NME9: variants seen among roughly 807,000 people sequenced by gnomAD.
NME9 encodes the protein thioredoxin domain-containing protein 6.
A neutral mutation model predicts 44.4 loss-of-function variants in NME9; 48 were observed. The ratio of observed to expected loss-of-function variants is 1.08; its 90% CI spans 0.86 to 1.37. The LOEUF (loss-of-function observed/expected upper bound fraction) is 1.37, where lower values mean the gene tolerates loss of function less well. Among genes scored for constraint, NME9 ranks in the 40% most tolerant of loss-of-function variants. The pLI is 0.00. For synonymous variants in NME9, 139 were observed against 147.1 expected (o/e 0.94, Z 0.40); for missense variants, 325 against 405.2 (o/e 0.80, Z 1.70).
intron 3 of NME9, 77 bp from the exon 4 acceptor site, chr3:138,318,296 G>A: frequency 4.2e-6 from 4 of 949,280 alleles, no homozygotes; most frequent in Non-Finnish European, 6.9e-6. Flanking sequence ...AAACCACACA[G>A]GGAACTGAAC....
At position 138,279,090 on chromosome 3, in the gene NME9, T is replaced by C. The variant is rs370267567; in HGVS notation, c.746-16504A>G. On this transcript the variant is annotated intron_variant, in intron 8 of 8. Transcript: ENST00000317876. ...ATGAGGATGAACATATTTGTTTTGTTCCCAATATTAGAGAAAAGCACTCAG... is the reference window on the plus strand; with the variant it reads ...ATGAGGATGAACATATTTGTTTTGTCCCCAATATTAGAGAAAAGCACTCAG... Among the ~76,000 whole-genome samples the C allele has an allele frequency of 8.9e-4, 135 of 152,352 alleles. 1 individual carries two copies. The highest frequency in any genetic ancestry group is 3.1e-3 in the African/African-American group (127 of 41,584).
rs1033761251 is a variant in NME9, at chr3:138,289,665, T to C, written c.745+13842A>G. Among the ~76,000 whole-genome samples the C allele has an allele frequency of 3.3e-5, 5 of 152,062 alleles. No homozygotes were observed. In the East Asian group the frequency reaches 9.6e-4, roughly 29 times the overall value. On this transcript the variant is annotated intron_variant, in intron 8 of 8. Coordinates refer to the NME9 transcript ENST00000317876. ...TTACACCAGGCCAATTAAATCAGAA[T>C]CTCTCGGGGTGGGCTCCAGGCATAA... is the stretch of plus-strand genomic sequence containing the variant.
At chr3:138,322,485 G>GGT (rs10580643) in intron 2 of NME9, among the ~76,000 whole-genome samples, 8,750 of 146,356 alleles carry the variant, frequency 0.06, 283 homozygotes, top group Non-Finnish European at 0.079. Context: ...AAGAAAAAGG[G>GGT]GTGTGTGTGT....
At chr3:138,284,415 C>T (rs1392783995) in intron 8 of NME9, 3 of 1,603,276 alleles carry the variant, frequency 1.9e-6, no homozygotes, top group Non-Finnish European at 8.5e-7. Flanking sequence ...ACTGTTGGCC[C>T]TTTGTTCTTT....
At chr3:138,321,879 A>G (rs981474202) in intron 2 of NME9, among the ~76,000 whole-genome samples, 1 of 151,764 alleles carries the variant, frequency 6.6e-6, no homozygotes, top group African/African-American at 2.4e-5. Flanking sequence ...GGGAAAGGAG[A>G]ACAAACTCAA....
At chr3:138,279,980 T>G (rs1389422442) in intron 8 of NME9, among the ~76,000 whole-genome samples, 1 of 151,840 alleles carries the variant, frequency 6.6e-6, no homozygotes, top group Non-Finnish European at 1.5e-5. Context: ...CTCGGCTCAC[T>G]GCAACCTCTG....
chr3:138,301,166 A>G lies in NME9; in HGVS notation c.*474T>C. 3.2e-6 allele frequency: 3 copies of G among 928,734 alleles called. No homozygotes were observed. The highest frequency in any genetic ancestry group is 3.9e-6 in the Non-Finnish European group (3 of 778,458). The allele number at this position is 928,734 out of a possible 1,614,324, so 57.5% of individuals were successfully genotyped here. A position where few individuals can be genotyped will look rare whatever the true frequency, so the allele number is the denominator to read the frequency against. ...AACTGCGTTCTACATACTGTTTAAT[A>G]AGGCAGAAAAGTATATACTATTCTC... is the stretch of plus-strand genomic sequence containing the variant. On this transcript the variant is annotated 3_prime_UTR_variant, in exon 11 of 11. Transcript: ENST00000333911.
chr3:138,281,257 T>C (rs1447196552), intron 8 of NME9, among the ~76,000 whole-genome samples: 1 of 151,638 alleles, frequency 6.6e-6, no homozygotes, highest in African/African-American at 2.4e-5. Flanking sequence ...GTTCCTTAGC[T>C]CACATATTCA....
At chr3:138,318,611 C>T (rs1379505892) in intron 3 of NME9, among the ~76,000 whole-genome samples, 1 of 151,942 alleles carries the variant, frequency 6.6e-6, no homozygotes, top group African/African-American at 2.4e-5. Context: ...CAGCACACTC[C>T]TTATGGAAGC....
chr3:138,279,493 TTGA>T (rs2049656456), intron 8 of NME9, among the ~76,000 whole-genome samples: 2 of 152,192 alleles, frequency 1.3e-5, no homozygotes. Context: ...ATGAGGGGTA[TTGA>T]TGAATAGTTT....
chr3:138,306,796 G>C (rs1302369868), intron 6 of NME9, among the ~76,000 whole-genome samples: 1 of 152,236 alleles, frequency 6.6e-6, no homozygotes, highest in East Asian at 1.9e-4. Flanking sequence ...ATTGCTCAAA[G>C]ACTGCTTGGG....
At chr3:138,269,970 G>A in intron 8 of NME9, 1 of 997,470 alleles carries the variant, frequency 1.0e-6, no homozygotes, top group Non-Finnish European at 1.6e-6. Flanking sequence ...AAAGTGCCAA[G>A]GTATATGCAT....
chr3:138,274,686 C>CT, intron 8 of NME9: 1 of 640,428 alleles, frequency 1.6e-6, no homozygotes. Context: ...AAATATCTTC[C>CT]ACCATCCCTT....
chr3:138,306,705 C>T (rs2052293318), intron 6 of NME9, among the ~76,000 whole-genome samples: 1 of 152,240 alleles, frequency 6.6e-6, no homozygotes, highest in South Asian at 2.1e-4. Context: ...CCTCAACCTC[C>T]ATCTTGCTGC....
At chr3:138,263,081 G>C (rs1450283992) in intron 8 of NME9, among the ~76,000 whole-genome samples, 2 of 152,222 alleles carry the variant, frequency 1.3e-5, no homozygotes, top group Non-Finnish European at 2.9e-5. Context: ...ATATGAAAAG[G>C]CTGTTTTTCA....
chr3:138,320,490 A>C (rs2053396264), intron 2 of NME9, among the ~76,000 whole-genome samples: 1 of 152,236 alleles, frequency 6.6e-6, no homozygotes, highest in African/African-American at 2.4e-5. Context: ...TAGCTCTGCC[A>C]ATTTTAATAG....
intron 9 of NME9, 34 bp from the exon 10 acceptor site, chr3:138,303,677 T>G: frequency 6.3e-7 from 1 of 1,581,036 alleles, no homozygotes; most frequent in Non-Finnish European, 8.7e-7. Context: ...AAGAAACAAT[T>G]GTTTCATTTG....
intron 8 of NME9, among the ~76,000 whole-genome samples, chr3:138,267,981 G>A (rs1475146575): frequency 2.6e-5 from 4 of 152,090 alleles, no homozygotes; most frequent in African/African-American, 9.7e-5. Context: ...GGTGGTTCAT[G>A]CGTGTAAACC....
intron 2 of NME9, among the ~76,000 whole-genome samples, chr3:138,320,538 T>G (rs542501467): frequency 6.6e-6 from 1 of 152,338 alleles, no homozygotes. Flanking sequence ...AGATTCACAT[T>G]TCAAAATTTT....
Sources: allele counts gnomAD v4.1 joint callset (sites outside exome capture counted in the v4.1 genomes callset), GRCh38; gene constraint gnomAD v4.1.1; transcripts MANE v1.5; gene names NCBI Gene and HGNC (gene_info 2026-07-23, HGNC 2026-07-21).